Variants in NEMF observed in about 807,000 individuals in gnomAD.
The protein encoded by NEMF is nuclear export mediator factor.
A neutral mutation model predicts 162.2 loss-of-function variants in NEMF; 89 were observed. The observed-to-expected ratio is 0.55, with a 90% CI of 0.46 to 0.65. The LOEUF (loss-of-function observed/expected upper bound fraction) is 0.65, where lower values mean the gene tolerates loss of function less well. Among genes scored for constraint, NEMF ranks in the 30% least tolerant of loss-of-function variants. The pLI is 0.00. For missense variants in NEMF, 1,133 were observed against 1,261.9 expected, an observed-to-expected ratio of 0.90 and a Z score of 1.55; for synonymous variants, 421 against 404.5, an observed-to-expected ratio of 1.04 and a Z score of -0.49.
intron 16 of NEMF, among the ~76,000 whole-genome samples, chr14:49,822,227 G>A (rs1403854105): frequency 1.3e-5 from 2 of 150,868 alleles, no homozygotes; most frequent in South Asian, 2.1e-4. Flanking sequence ...CCTTCCCTCC[G>A]CTGTTGTCCT....
chr14:49,795,813 T>C lies in NEMF; in HGVS notation c.2597A>G (p.Gln866Arg). ...QNTSKNVAAV[Q>R]PMKRGQKSKM... ...TACCTTTTGTCCTCGTTTCATTGGCTGCACAGCCGCAACATTTTTGCTTGT... is the reference window on the plus strand; with the variant it reads ...TACCTTTTGTCCTCGTTTCATTGGCCGCACAGCCGCAACATTTTTGCTTGT... Residue 866 changes from glutamine (Q) to arginine (R), a missense_variant, in exon 26 of 33, where the codon CAG (glutamine) becomes CGG (arginine). By Grantham distance (43) the Gln-to-Arg change is conservative. Coordinates refer to ENST00000298310, the MANE Select transcript of NEMF (RefSeq NM_004713.6). 6.2e-7 allele frequency: 1 copy of C among 1,612,072 alleles called. No individual in the cohort carries two copies. The highest frequency in any genetic ancestry group is 8.5e-7 in the Non-Finnish European group (1 of 1,179,580).
chr14:49,807,803 T>TA (rs1891292149), intron 18 of NEMF, among the ~76,000 whole-genome samples: 1 of 151,870 alleles, frequency 6.6e-6, no homozygotes, highest in Non-Finnish European at 1.5e-5. Flanking sequence ...GGGGTTTCAC[T>TA]ATACTGGCCA....
At chr14:49,798,712 C>A (rs1201695377) in intron 25 of NEMF, among the ~76,000 whole-genome samples, 1 of 152,100 alleles carries the variant, frequency 6.6e-6, no homozygotes, top group Non-Finnish European at 1.5e-5. Context: ...TCGAGACTAT[C>A]CTGGCTAACA....
At chr14:49,789,031 TAAG>T in intron 28 of NEMF, 112 bp downstream of exon 28, 1 of 771,186 alleles carries the variant, frequency 1.3e-6, no homozygotes. Flanking sequence ...GACATTCCAT[TAAG>T]AATAGGGTTA....
At chr14:49,827,424 C>T (rs953334853) in intron 15 of NEMF, among the ~76,000 whole-genome samples, 13 of 151,934 alleles carry the variant, frequency 8.6e-5, no homozygotes, top group African/African-American at 1.7e-4. Context: ...TGGCTTCAAG[C>T]GATCCACCGG....
intron 5 of NEMF, among the ~76,000 whole-genome samples, chr14:49,838,775 G>A (rs1411901466): frequency 4.0e-5 from 6 of 151,848 alleles, no homozygotes; most frequent in Non-Finnish European, 8.8e-5. Context: ...TAGTAGAGAC[G>A]GGGTTTCACC....
At chr14:49,819,097 G>GA (rs1485656931) in intron 16 of NEMF, among the ~76,000 whole-genome samples, 1 of 152,104 alleles carries the variant, frequency 6.6e-6, no homozygotes, top group Non-Finnish European at 1.5e-5. Context: ...GCCACAGAGC[G>GA]AAACTCTGTC....
At chr14:49,845,878 C>T (rs1647846635) in intron 4 of NEMF, 3 of 502,368 alleles carry the variant, frequency 6.0e-6, no homozygotes, top group Non-Finnish European at 1.0e-5. Context: ...ATGTCAAGTA[C>T]CAAATAATTT....
At chr14:49,800,971 G>A (rs758094230) in intron 22 of NEMF, 3 of 351,294 alleles carry the variant, frequency 8.5e-6, no homozygotes, top group Non-Finnish European at 1.5e-5. Context: ...TGCCTTAGTT[G>A]GGTATTTCCA....
intron 23 of NEMF, among the ~76,000 whole-genome samples, chr14:49,799,886 ACT>A (rs1890877739): frequency 1.3e-5 from 2 of 152,194 alleles, no homozygotes; most frequent in Non-Finnish European, 2.9e-5. Context: ...TTGAAAACTT[ACT>A]GTGTGTCAGG....
At chr14:49,820,360 A>G (rs1594769050) in intron 16 of NEMF, 5 of 452,634 alleles carry the variant, frequency 1.1e-5, no homozygotes, top group South Asian at 7.8e-5. Context: ...GTTTGGTGCC[A>G]TGACAGAGTC....
Position 49,821,121 on chromosome 14 carries a change from C to T in NEMF, c.1577+4746G>A, listed in dbSNP as rs1891999677. Among the ~76,000 whole-genome samples, 2 of 14,326 alleles carry T rather than the reference C, an allele frequency of 1.4e-4. 1 individual carries two copies. The highest frequency in any genetic ancestry group is 1.5e-4 in the African/African-American group (2 of 13,278). 9.4% of individuals were successfully genotyped at this position (14,326 alleles called of 152,430 possible). A position where few individuals can be genotyped will look rare whatever the true frequency, so the allele number is the denominator to read the frequency against. ...GAGCGTCTCTGCCCGGCCGCCCCGT[C>T]TGAGAAGTGAGGAGCCCCTCCGCCC... is the stretch of plus-strand genomic sequence containing the variant. On this transcript the variant is annotated intron_variant, in intron 16 of 32. Transcript: ENST00000298310.
intron 28 of NEMF, among the ~76,000 whole-genome samples, chr14:49,787,597 G>A (rs559433389): frequency 1.1e-4 from 17 of 152,298 alleles, no homozygotes; most frequent in Non-Finnish European, 1.9e-4. Context: ...AAGAGCCCTC[G>A]TGACTTCACT....
chr14:49,852,103 G>A (rs1893806197), intron 1 of NEMF, among the ~76,000 whole-genome samples: 1 of 152,006 alleles, frequency 6.6e-6, no homozygotes, highest in African/African-American at 2.4e-5. Flanking sequence ...TATAGCTTGC[G>A]TCTTCCAAAT....
intron 16 of NEMF, among the ~76,000 whole-genome samples, chr14:49,819,095 G>A (rs34654758): frequency 0.087 from 13,189 of 152,134 alleles, 856 homozygotes; most frequent in Admixed American, 0.21. Flanking sequence ...GTGCCACAGA[G>A]CGAAACTCTG....
At chr14:49,806,270 T>C (rs1891208301) in intron 18 of NEMF, 137 bp from the exon 19 acceptor site, 1 of 32,038 alleles carries the variant, frequency 3.1e-5, no homozygotes, top group African/African-American at 9.9e-5. Context: ...TTTTTTTTTT[T>C]TTTTTTTTTG....
At chr14:49,809,439 G>A (rs890067217) in intron 18 of NEMF, among the ~76,000 whole-genome samples, 11 of 152,174 alleles carry the variant, frequency 7.2e-5, no homozygotes, top group African/African-American at 2.7e-4. Context: ...GTCGGGGGTT[G>A]GGGGAAGGGA....
chr14:49,851,923 C>T, intron 1 of NEMF, 48 bp from the exon 2 acceptor site: 3 of 1,090,234 alleles, frequency 2.8e-6, no homozygotes, highest in Non-Finnish European at 4.1e-6. Context: ...TTGTCTGAAA[C>T]ATAAAACTAC....
intron 16 of NEMF, among the ~76,000 whole-genome samples, chr14:49,819,537 T>G (rs1056765957): frequency 6.6e-6 from 1 of 151,630 alleles, no homozygotes; most frequent in African/African-American, 2.4e-5. Flanking sequence ...ACCTCAGCCT[T>G]TCAAGTAGCT....
Sources: gnomAD v4.1 joint callset for allele counts (sites outside exome capture counted in the v4.1 genomes callset) on GRCh38, gnomAD v4.1.1 for gene constraint, MANE v1.5 for transcripts, NCBI Gene and HGNC (gene_info 2026-07-23, HGNC 2026-07-21) for gene names.